The following GUCY2F variants were observed in gnomAD, a reference collection of about 807,000 sequenced individuals.
GUCY2F encodes the protein guanylate cyclase 2F, retinal.
Under a neutral mutation model 73.1 loss-of-function variants are expected in GUCY2F, and 61 were observed. That is an observed-to-expected ratio of 0.83 (90% CI 0.68 to 1.03). The LOEUF is 1.03. Among genes scored for constraint, GUCY2F ranks in the 50% least tolerant of loss-of-function variants. The probability of loss-of-function intolerance (pLI) is 0.00; values close to 1 mark genes in which losing one functional copy is unlikely to be tolerated. For missense variants in GUCY2F, 912 were observed against 854.3 expected, an observed-to-expected ratio of 1.07 and a Z score of -0.84; for synonymous variants, 331 against 307.8, an observed-to-expected ratio of 1.08 and a Z score of -0.79.
At position 109,451,673 on chromosome X, in the gene GUCY2F, C is replaced by T. The variant is rs114260455; in HGVS notation, c.1472+350G>A. 5.7e-3 allele frequency among the ~76,000 whole-genome samples: 634 copies of T among 111,763 alleles called. 6 individuals are homozygous for T. The highest frequency in any genetic ancestry group is 0.019 in the African/African-American group (596 of 30,725). On this transcript the variant is annotated intron_variant, in intron 5 of 19. Transcript: ENST00000218006. ...AATTCCATTCCCTATCATCACATAT[C>T]ATTTGGGCAAGGAGATGGTTATAGG... is the stretch of plus-strand genomic sequence containing the variant.
chrX:109,450,902 C>A (rs770123222), intron 5 of GUCY2F, among the ~76,000 whole-genome samples: 1 of 111,861 alleles, frequency 8.9e-6, no homozygotes, highest in East Asian at 2.8e-4. Flanking sequence ...AATCCAATTT[C>A]TTCATTGCGC....
chrX:109,479,684 C>A (rs970573585), intron 1 of GUCY2F, among the ~76,000 whole-genome samples: 2 of 111,881 alleles, frequency 1.8e-5, no homozygotes, highest in Non-Finnish European at 3.8e-5. Flanking sequence ...TTGCTTCTAT[C>A]TGGTAGATCC....
chrX:109,399,052 C>T (rs1346367567), intron 10 of GUCY2F, among the ~76,000 whole-genome samples: 1 of 112,040 alleles, frequency 8.9e-6, no homozygotes, highest in African/African-American at 3.2e-5. Flanking sequence ...ACACTGGTTG[C>T]CATGGATTTG....
chrX:109,385,034 G>C (rs1188498334), intron 16 of GUCY2F, 150 bp downstream of exon 16: 2 of 375,488 alleles, frequency 5.3e-6, no homozygotes, highest in Non-Finnish European at 9.2e-6. Context: ...GAAAATCCGT[G>C]ATAAATCTTA....
intron 3 of GUCY2F, among the ~76,000 whole-genome samples, chrX:109,457,343 A>C (rs1287539428): frequency 4.5e-5 from 5 of 111,861 alleles, no homozygotes; most frequent in Admixed American, 2.8e-4. Flanking sequence ...CCTTCCAAAG[A>C]ATTTTATCCT....
intron 2 of GUCY2F, among the ~76,000 whole-genome samples, chrX:109,473,059 C>T (rs1241231561): frequency 9.0e-6 from 1 of 111,509 alleles, no homozygotes; most frequent in Non-Finnish European, 1.9e-5. Flanking sequence ...CCTGCCCCCA[C>T]CCCACCCACA....
intron 12 of GUCY2F, among the ~76,000 whole-genome samples, chrX:109,394,104 TTAAG>T (rs1204309212): frequency 3.6e-5 from 4 of 111,662 alleles, no homozygotes; most frequent in Admixed American, 1.9e-4. Flanking sequence ...CTCCTCCCAC[TTAAG>T]TTTTATTAAC....
intron 3 of GUCY2F, among the ~76,000 whole-genome samples, chrX:109,464,489 T>A (rs1932425249): frequency 8.9e-6 from 1 of 112,605 alleles, no homozygotes; most frequent in Non-Finnish European, 1.9e-5. Context: ...ACTGGTTAGT[T>A]TGGAAGGAGA....
chrX:109,399,308 T>C (rs981851387), intron 10 of GUCY2F, among the ~76,000 whole-genome samples: 2 of 111,656 alleles, frequency 1.8e-5, no homozygotes, highest in African/African-American at 3.3e-5. Context: ...ACTTGAGGAG[T>C]TCACAGACCA....
intron 8 of GUCY2F, among the ~76,000 whole-genome samples, chrX:109,412,734 TG>T (rs1248724554): frequency 1.8e-5 from 2 of 112,497 alleles, no homozygotes; most frequent in East Asian, 5.6e-4. Context: ...GCCATATGAC[TG>T]AATTCCAAGC....
At position 109,465,372 on chromosome X, in the gene GUCY2F, C is replaced by T; in HGVS notation, c.802G>A (p.Asp268Asn). The T allele has an allele frequency of 8.3e-7, 1 of 1,200,498 alleles. No homozygotes were observed. Among genetic ancestry groups the T allele is most frequent in the Non-Finnish European group, 1.1e-6 (1 of 885,389 alleles). ...TQMHLLECAH[D>N]LKMTDGTYVF... is the part of the protein sequence containing the mutation. The stretch of plus-strand genomic sequence containing the variant: ...TAGGTTCCATCAGTCATTTTCAGAT[C>T]ATGAGCACATTCCAAGAGATGCATC... The change falls in exon 3 of 20, where the codon GAT becomes AAT. Residue 268 changes from aspartate to asparagine, a missense_variant. Coordinates refer to ENST00000218006, the MANE Select transcript of GUCY2F (RefSeq NM_001522.3).
chrX:109,462,262 C>T (rs952396215), intron 3 of GUCY2F, among the ~76,000 whole-genome samples: 3 of 113,223 alleles, frequency 2.6e-5, no homozygotes, highest in Non-Finnish European at 5.6e-5. Context: ...GTCTAAGTAA[C>T]TTGCCGAAGG....
intron 1 of GUCY2F, among the ~76,000 whole-genome samples, chrX:109,481,149 G>T (rs964687301): frequency 2.7e-5 from 3 of 109,836 alleles, no homozygotes; most frequent in African/African-American, 9.9e-5. Flanking sequence ...GGGGGAGGAT[G>T]CCCTAAACCT....
chrX:109,463,967 T>G (rs1020370376), intron 3 of GUCY2F, among the ~76,000 whole-genome samples: 4 of 112,496 alleles, frequency 3.6e-5, no homozygotes, highest in Non-Finnish European at 7.5e-5. Context: ...AAGCCCTATC[T>G]TCAAATTTTG....
chrX:109,392,929 G>A lies in GUCY2F; in HGVS notation c.2551C>T (p.Gln851Ter). 8.4e-7 allele frequency: 1 copy of A among 1,192,427 alleles called. No homozygotes were observed. Among genetic ancestry groups the A allele is most frequent in the Non-Finnish European group, 1.1e-6 (1 of 878,998 alleles). ...ERTEELEIEK[Q>*]KTEKLLTQML... is the part of the protein sequence containing the mutation. ...TGTGTTAGAAGCTTTTCCGTTTTCT[G>A]TTTTTCAATTTCCAGCTCTTCAGTC... Residue 851 changes from glutamine to a stop codon, truncating the protein, a stop_gained, in exon 13 of 20, where the codon CAG becomes TAG. Transcript: ENST00000218006. LOFTEE classifies it high-confidence loss of function.
intron 6 of GUCY2F, among the ~76,000 whole-genome samples, chrX:109,445,369 G>C (rs192464275): frequency 1.3e-3 from 147 of 112,030 alleles, no homozygotes; most frequent in Non-Finnish European, 2.0e-3. Flanking sequence ...ATCAAATGTT[G>C]AGTCCAAATA....
intron 7 of GUCY2F, among the ~76,000 whole-genome samples, chrX:109,430,613 G>A (rs1049066952): frequency 8.9e-6 from 1 of 112,239 alleles, no homozygotes; most frequent in Non-Finnish European, 1.9e-5. Context: ...ACTCAAGACA[G>A]GGAAACAATT....
At chrX:109,374,622 CAG>C (rs767937406) in intron 19 of GUCY2F, among the ~76,000 whole-genome samples, 236 of 104,622 alleles carry the variant, frequency 2.3e-3, no homozygotes, top group Middle Eastern at 4.8e-3. Context: ...CACTTTCCTA[CAG>C]AGAGAGAGAG....
intron 2 of GUCY2F, among the ~76,000 whole-genome samples, chrX:109,472,176 G>T (rs754109276): frequency 3.2e-4 from 35 of 109,753 alleles, no homozygotes; most frequent in African/African-American, 1.1e-3. Context: ...GCCAGTAATA[G>T]GCTGCTCTTC....
Sources: allele counts gnomAD v4.1 joint callset (sites outside exome capture counted in the v4.1 genomes callset), GRCh38; gene constraint gnomAD v4.1.1; transcripts MANE v1.5; gene names NCBI Gene and HGNC (gene_info 2026-07-23, HGNC 2026-07-21).